The following TMEM268 variants were observed in gnomAD, a reference collection of about 807,000 sequenced individuals.
TMEM268 encodes the protein transmembrane protein C9orf91.
In TMEM268, 24 loss-of-function variants were observed where a neutral mutation model predicts 39.1. The ratio of observed to expected loss-of-function variants is 0.61; its 90% CI spans 0.44 to 0.86. The LOEUF (loss-of-function observed/expected upper bound fraction) is 0.86. Ranked by LOEUF, TMEM268 falls within the 40% of genes least tolerant of loss-of-function variation. The pLI, the probability that TMEM268 is intolerant of heterozygous loss-of-function variation, is 0.00. For synonymous variants in TMEM268, 176 were observed against 173.5 expected, an observed-to-expected ratio of 1.01 and a Z score of -0.12; for missense variants, 409 against 428.6, an observed-to-expected ratio of 0.95 and a Z score of 0.40.
rs372842463 is a variant in TMEM268, at chr9:114,633,710, C to T, written c.475-58C>T. The T allele has an allele frequency of 3.8e-4, 349 of 909,468 alleles. 2 individuals are homozygous for T. The African/African-American group carries it at 5.3e-3, about 14-fold the overall frequency. The allele number at this position is 909,468 out of a possible 1,614,324, so 56.3% of individuals were successfully genotyped here. On this transcript the variant is annotated intron_variant, in intron 5 of 8. Transcript: ENST00000288502. ...GATGGTGTGTTTCTACTGCCCAGAG[C>T]CTGGGAGCTCCCCAGTAGCATGGAG...
At chr9:114,618,968 G>A (rs1382321953) in intron 2 of TMEM268, among the ~76,000 whole-genome samples, 1 of 152,212 alleles carries the variant, frequency 6.6e-6, no homozygotes, top group South Asian at 2.1e-4. Context: ...TTGAATGAAA[G>A]AATTAATGAG....
upstream of TMEM268, among the ~76,000 whole-genome samples, chr9:114,607,071 C>T (rs994108094): frequency 6.6e-6 from 1 of 152,190 alleles, no homozygotes. Context: ...GTCTGTAACC[C>T]TTACAGACAC....
At chr9:114,631,138 A>C (rs938004375) in intron 5 of TMEM268, among the ~76,000 whole-genome samples, 8 of 151,844 alleles carry the variant, frequency 5.3e-5, no homozygotes, top group Non-Finnish European at 1.0e-4. Flanking sequence ...ACATTGTGAG[A>C]CTCTGTCTCT....
intron 2 of TMEM268, among the ~76,000 whole-genome samples, chr9:114,621,905 C>T (rs544041614): frequency 1.8e-4 from 28 of 152,256 alleles, no homozygotes; most frequent in African/African-American, 6.5e-4. Context: ...TTTTGCAAAG[C>T]AACAGGAAGC....
chr9:114,630,529 T>A (rs1846351114), intron 5 of TMEM268, among the ~76,000 whole-genome samples: 1 of 152,180 alleles, frequency 6.6e-6, no homozygotes, highest in Admixed American at 6.5e-5. Flanking sequence ...AACAACAACC[T>A]TATAAGGAGG....
At chr9:114,628,040 T>G in intron 4 of TMEM268, 61 bp from the exon 5 acceptor site, 20 of 1,581,184 alleles carry the variant, frequency 1.3e-5, no homozygotes, top group Non-Finnish European at 1.7e-5. Flanking sequence ...TCCCTTTGAA[T>G]GGAGCTGCTT....
chr9:114,636,159 T>C (rs1210986917), intron 6 of TMEM268, among the ~76,000 whole-genome samples: 1 of 152,028 alleles, frequency 6.6e-6, no homozygotes, highest in East Asian at 1.9e-4. Flanking sequence ...TCTTGACAGG[T>C]TGTCGTAATG....
At chr9:114,622,963 G>A (rs1407117104) in intron 2 of TMEM268, among the ~76,000 whole-genome samples, 1 of 151,940 alleles carries the variant, frequency 6.6e-6, no homozygotes, top group Non-Finnish European at 1.5e-5. Context: ...GGTGGTGCAT[G>A]CCTGTAATCC....
chr9:114,613,784 A>T (rs979033632), intron 1 of TMEM268, among the ~76,000 whole-genome samples: 3 of 152,142 alleles, frequency 2.0e-5, no homozygotes, highest in African/African-American at 7.2e-5. Flanking sequence ...GGGTGATTTC[A>T]TGAACATTCT....
At chr9:114,619,509 C>T (rs922847577) in intron 2 of TMEM268, among the ~76,000 whole-genome samples, 11 of 152,204 alleles carry the variant, frequency 7.2e-5, no homozygotes, top group African/African-American at 2.7e-4. Flanking sequence ...TGGGCAAACA[C>T]GTAATTCAGT....
chr9:114,609,347 G>A (rs1217626630), upstream of TMEM268, among the ~76,000 whole-genome samples: 2 of 146,638 alleles, frequency 1.4e-5, no homozygotes, highest in African/African-American at 5.2e-5. Flanking sequence ...AAACAAACAA[G>A]CATGTACATT....
chr9:114,638,956 A>G (rs1272629685), intron 8 of TMEM268, among the ~76,000 whole-genome samples: 1 of 152,166 alleles, frequency 6.6e-6, no homozygotes, highest in East Asian at 1.9e-4. Flanking sequence ...GCATTATTTA[A>G]TATCTTGGAT....
At chr9:114,622,264 T>C in intron 2 of TMEM268, 1 of 985,410 alleles carries the variant, frequency 1.0e-6, no homozygotes. Context: ...AACACACTTA[T>C]GCTTTAATCT....
rs369082056 is a variant in TMEM268 at position 114,617,213 on chromosome 9, G to A, written c.18G>A (p.Gln6=). The A allele has an allele frequency of 7.5e-6, 12 of 1,609,138 alleles. No homozygotes were observed. The African/African-American group carries it at 1.1e-4, about 14-fold the overall frequency. The change falls in exon 2 of 9, where the codon CAG becomes CAA. Residue 6 remains glutamine, a synonymous_variant. Coordinates refer to ENST00000288502, the MANE Select transcript of TMEM268 (RefSeq NM_153045.4). ...GCCCTGCCATGGCCTGTGAACCACA[G>A]GTGGACCCGGGGGCCACTGGCCCAT... MACEP[Q]VDPGATGPLP... is the part of the protein sequence containing the mutation.
At chr9:114,622,283 C>T in intron 2 of TMEM268, 2 of 985,330 alleles carry the variant, frequency 2.0e-6, no homozygotes, top group Non-Finnish European at 2.4e-6. Context: ...CTCTTCTGTC[C>T]TGCCTCATTG....
At chr9:114,628,031 C>G (rs973558562) in intron 4 of TMEM268, 70 bp from the exon 5 acceptor site, 6 of 1,552,374 alleles carry the variant, frequency 3.9e-6, no homozygotes, top group Non-Finnish European at 1.8e-6. Flanking sequence ...TGAAAGGTGT[C>G]CCTTTGAATG....
At chr9:114,619,709 G>A (rs1306931630) in intron 2 of TMEM268, among the ~76,000 whole-genome samples, 2 of 152,100 alleles carry the variant, frequency 1.3e-5, no homozygotes, top group African/African-American at 4.8e-5. Flanking sequence ...TTACAAGGGA[G>A]TTTCTTCACT....
intron 4 of TMEM268, among the ~76,000 whole-genome samples, chr9:114,627,712 G>A (rs921644000): frequency 6.6e-6 from 1 of 152,136 alleles, no homozygotes; most frequent in African/African-American, 2.4e-5. Context: ...TGAAATAGGT[G>A]TTATTATCCC....
intron 5 of TMEM268, among the ~76,000 whole-genome samples, chr9:114,632,257 G>C (rs1051258632): frequency 1.3e-5 from 2 of 152,128 alleles, no homozygotes; most frequent in Admixed American, 1.3e-4. Context: ...CATGCAGAAT[G>C]GTTTCTAATA....
Sources: gnomAD v4.1 joint callset for allele counts (sites outside exome capture counted in the v4.1 genomes callset) on GRCh38, gnomAD v4.1.1 for gene constraint, MANE v1.5 for transcripts, NCBI Gene and HGNC (gene_info 2026-07-23, HGNC 2026-07-21) for gene names.